Variants in TMEM178A observed in about 807,000 individuals in gnomAD.
TMEM178A encodes the protein transmembrane protein 178.
In TMEM178A, 12 loss-of-function variants were observed where a neutral mutation model predicts 29.1. The ratio of observed to expected loss-of-function variants is 0.41; its 90% CI spans 0.26 to 0.67. TMEM178A has a LOEUF of 0.67. Among genes scored for constraint, TMEM178A ranks in the 30% least tolerant of loss-of-function variants. The probability of loss-of-function intolerance (pLI) is 0.29; values close to 1 mark genes in which losing one functional copy is unlikely to be tolerated. For missense variants in TMEM178A, 366 were observed against 419.1 expected, an observed-to-expected ratio of 0.87 and a Z score of 1.11; for synonymous variants, 210 against 187.2, an observed-to-expected ratio of 1.12 and a Z score of -0.99.
chr2:39,710,250 C>A (rs541389563), intron 3 of TMEM178A, among the ~76,000 whole-genome samples: 1 of 152,312 alleles, frequency 6.6e-6, no homozygotes, highest in African/African-American at 2.4e-5. Context: ...AGTTTGATGA[C>A]CAGTTCTGAA....
At chr2:39,725,995 T>G in the TMEM178A span, among the ~76,000 whole-genome samples, 1 of 152,210 alleles carries the variant, frequency 6.6e-6, no homozygotes, top group East Asian at 1.9e-4. Flanking sequence ...TGCCAGAGAC[T>G]GATTTAAGTG....
chr2:39,704,217 C>G, intron 2 of TMEM178A, 23 bp downstream of exon 2: 4 of 1,599,154 alleles, frequency 2.5e-6, no homozygotes, highest in Non-Finnish European at 3.4e-6. Context: ...AGGAGAGGTT[C>G]AGAGAGGAAA....
the TMEM178A span, among the ~76,000 whole-genome samples, chr2:39,733,949 T>C: frequency 6.6e-6 from 1 of 152,182 alleles, no homozygotes; most frequent in Non-Finnish European, 1.5e-5. Context: ...CTTAGCCCTT[T>C]TTTCCTATTT....
chr2:39,678,573 C>T (rs766305288), intron 1 of TMEM178A, among the ~76,000 whole-genome samples: 1 of 151,976 alleles, frequency 6.6e-6, no homozygotes, highest in Admixed American at 6.6e-5. Context: ...TAGGGAGTGA[C>T]TGCTTAATGG....
chr2:39,714,923 T>C (rs1171046969), intron 3 of TMEM178A, among the ~76,000 whole-genome samples: 1 of 152,226 alleles, frequency 6.6e-6, no homozygotes, highest in African/African-American at 2.4e-5. Context: ...ATAAATATTC[T>C]TGTTTCATGT....
rs756348709 is a variant in TMEM178A, at chr2:39,666,013, C to T, written c.39C>T (p.Gly13=). 6.5e-7 allele frequency: 1 copy of T among 1,529,846 alleles called. No individual in the cohort carries two copies. The highest frequency in any genetic ancestry group is 2.7e-5 in the East Asian group (1 of 36,832). The allele number at this position is 1,529,846 out of a possible 1,614,324, so 94.8% of individuals were successfully genotyped here. ...CGCTCGTCACGGCGCTCAGCCTCGG[C>T]CTCAGCCTGTGCTCCCTGGGGCTGC... ...PRALVTALSL[G]LSLCSLGLLV... The change falls in exon 1 of 4, where the codon GGC becomes GGT. Residue 13 remains glycine (G), a synonymous_variant. Transcript: ENST00000281961.
At chr2:39,725,429 C>G in the TMEM178A span, among the ~76,000 whole-genome samples, 1 of 152,258 alleles carries the variant, frequency 6.6e-6, no homozygotes, top group African/African-American at 2.4e-5. Context: ...TTGCACGATT[C>G]CATACATTCC....
the TMEM178A span, among the ~76,000 whole-genome samples, chr2:39,735,805 G>C: frequency 6.6e-6 from 1 of 152,266 alleles, no homozygotes; most frequent in Middle Eastern, 3.2e-3. Flanking sequence ...CTCAGGAGAG[G>C]AATGTTCTGG....
intron 1 of TMEM178A, among the ~76,000 whole-genome samples, chr2:39,688,601 C>G (rs1237739532): frequency 6.6e-6 from 1 of 152,228 alleles, no homozygotes; most frequent in African/African-American, 2.4e-5. Context: ...TGGTACTAAC[C>G]AGGCTATCTA....
chr2:39,688,225 A>G (rs1671161862), intron 1 of TMEM178A, among the ~76,000 whole-genome samples: 1 of 152,266 alleles, frequency 6.6e-6, no homozygotes, highest in Non-Finnish European at 1.5e-5. Flanking sequence ...TGAACAAAGC[A>G]TAACATGCTA....
intron 1 of TMEM178A, among the ~76,000 whole-genome samples, chr2:39,701,944 A>T (rs562019865): frequency 5.3e-5 from 8 of 152,210 alleles, no homozygotes; most frequent in African/African-American, 1.9e-4. Flanking sequence ...TATCACTCTC[A>T]TCCTTTCCTT....
chr2:39,682,069 C>G (rs1670892226), intron 1 of TMEM178A, among the ~76,000 whole-genome samples: 1 of 152,190 alleles, frequency 6.6e-6, no homozygotes, highest in Non-Finnish European at 1.5e-5. Context: ...AGACTTCATG[C>G]TTTCTAACAG....
At chr2:39,722,971 G>A in the TMEM178A span, among the ~76,000 whole-genome samples, 11 of 152,274 alleles carry the variant, frequency 7.2e-5, no homozygotes, top group South Asian at 2.1e-3. Flanking sequence ...ATCCTCTGGG[G>A]ATTCTGGAAA....
the TMEM178A span, among the ~76,000 whole-genome samples, chr2:39,735,504 C>A: frequency 6.6e-6 from 1 of 152,276 alleles, no homozygotes; most frequent in Admixed American, 6.5e-5. Context: ...AACTGCTTCA[C>A]CATCACATGC....
intron 1 of TMEM178A, among the ~76,000 whole-genome samples, chr2:39,671,949 A>AT (rs1670425738): frequency 6.6e-6 from 1 of 152,204 alleles, no homozygotes. Flanking sequence ...AAGAAGATGC[A>AT]TTTTATTTCT....
At chr2:39,671,373 T>G (rs1236835255) in intron 1 of TMEM178A, among the ~76,000 whole-genome samples, 2 of 152,232 alleles carry the variant, frequency 1.3e-5, no homozygotes, top group Non-Finnish European at 2.9e-5. Flanking sequence ...TAATTTGTGT[T>G]GGAATAATTA....
chr2:39,732,762 C>T, the TMEM178A span, among the ~76,000 whole-genome samples: 1 of 152,164 alleles, frequency 6.6e-6, no homozygotes, highest in African/African-American at 2.4e-5. Flanking sequence ...TCTCTAAGGG[C>T]ATTAGGGAGC....
chr2:39,721,352 G>C (rs567407071), downstream of TMEM178A, among the ~76,000 whole-genome samples: 25 of 152,334 alleles, frequency 1.6e-4, no homozygotes, highest in East Asian at 3.7e-3. Flanking sequence ...TCTGCCTGGA[G>C]CCCCTGTAAG....
chr2:39,715,852 A>G (rs2540231), intron 3 of TMEM178A, among the ~76,000 whole-genome samples: 5,703 of 152,200 alleles, frequency 0.037, 336 homozygotes, highest in African/African-American at 0.13. Flanking sequence ...TTCTGCTAGC[A>G]TTTCTAATCT....
Sources: allele counts gnomAD v4.1 joint callset (sites outside exome capture counted in the v4.1 genomes callset), GRCh38; gene constraint gnomAD v4.1.1; transcripts MANE v1.5; gene names NCBI Gene and HGNC (gene_info 2026-07-23, HGNC 2026-07-21).